ZCCHC10: variants seen among roughly 807,000 people sequenced by gnomAD.
ZCCHC10 encodes zinc finger CCHC-type containing 10.
Under a neutral mutation model 19.5 loss-of-function variants are expected in ZCCHC10, and 16 were observed. The observed-to-expected ratio is 0.82, with a 90% CI of 0.56 to 1.25. The LOEUF is 1.25. Among genes scored for constraint, ZCCHC10 ranks in the 50% most tolerant of loss-of-function variants. The pLI, the probability that ZCCHC10 is intolerant of heterozygous loss-of-function variation, is 0.00. For synonymous variants in ZCCHC10, 67 were observed against 72.5 expected, an observed-to-expected ratio of 0.92 and a Z score of 0.38; for missense variants, 197 against 201.0, an observed-to-expected ratio of 0.98 and a Z score of 0.12.
intron 3 of ZCCHC10, among the ~76,000 whole-genome samples, chr5:133,003,767 G>A (rs574753658): frequency 6.6e-6 from 1 of 152,340 alleles, no homozygotes; most frequent in African/African-American, 2.4e-5. Context: ...CTGGAGTGCA[G>A]TGGTGTGATT....
At chr5:133,007,226 C>G (rs1192852644) in intron 2 of ZCCHC10, among the ~76,000 whole-genome samples, 1 of 152,092 alleles carries the variant, frequency 6.6e-6, no homozygotes, top group African/African-American at 2.4e-5. Flanking sequence ...GAATAAATCT[C>G]ACAAGATCTG....
intron 1 of ZCCHC10, 46 bp downstream of exon 1, chr5:133,026,451 C>A (rs369219657): frequency 2.5e-6 from 4 of 1,608,500 alleles, no homozygotes; most frequent in Non-Finnish European, 3.4e-6. Flanking sequence ...ACGCGCGTTT[C>A]CCCGCTCCCA....
At chr5:133,000,713 G>C (rs1329777598) in intron 3 of ZCCHC10, among the ~76,000 whole-genome samples, 2 of 150,248 alleles carry the variant, frequency 1.3e-5, no homozygotes, top group Non-Finnish European at 2.9e-5. Flanking sequence ...CGCGATCTTG[G>C]CTCACTGCAA....
intron 2 of ZCCHC10, among the ~76,000 whole-genome samples, chr5:133,013,061 T>TAAA (rs368155320): frequency 8.8e-6 from 1 of 113,070 alleles, no homozygotes; most frequent in African/African-American, 3.1e-5. Flanking sequence ...AAAAAAAAAT[T>TAAA]AAAAAAAAAA....
intron 1 of ZCCHC10, among the ~76,000 whole-genome samples, chr5:133,025,254 C>T (rs1470969281): frequency 6.6e-6 from 1 of 152,006 alleles, no homozygotes; most frequent in African/African-American, 2.4e-5. Context: ...CCTGTAATCC[C>T]AGCACTTTGG....
chr5:133,013,008 G>A (rs1256773990), intron 2 of ZCCHC10, among the ~76,000 whole-genome samples: 2 of 147,390 alleles, frequency 1.4e-5, no homozygotes, highest in African/African-American at 5.0e-5. Flanking sequence ...CCCAGATAGC[G>A]CCACTGCACT....
At chr5:133,019,354 G>A (rs1162946643) in intron 2 of ZCCHC10, among the ~76,000 whole-genome samples, 2 of 151,990 alleles carry the variant, frequency 1.3e-5, no homozygotes, top group African/African-American at 2.4e-5. Context: ...ACAAAATTTC[G>A]AAACAAACAA....
intron 2 of ZCCHC10, among the ~76,000 whole-genome samples, chr5:133,021,680 A>T (rs1299364639): frequency 6.6e-6 from 1 of 152,228 alleles, no homozygotes; most frequent in African/African-American, 2.4e-5. Flanking sequence ...ATGAAGCTAC[A>T]GTAATCATGA....
chr5:133,011,675 T>G (rs1401086482), intron 2 of ZCCHC10, among the ~76,000 whole-genome samples: 1 of 82,638 alleles, frequency 1.2e-5, no homozygotes, highest in Non-Finnish European at 2.7e-5. Flanking sequence ...TAAATACCAA[T>G]AAAAGTAGCT....
At position 132,998,821 on chromosome 5, in the gene ZCCHC10, C is replaced by T; in HGVS notation, c.341G>A (p.Ser114Asn). ...ATCACTGGCAGAACTGTCACTGCTA[C>T]TGCTACTGGAACTGGTTACACTCTT... ...RSKSVTSSSSSSSDSSASDSS... is the reference protein window; with the variant it reads ...RSKSVTSSSSNSSDSSASDSS... The change falls in exon 5 of 5, where the codon AGT becomes AAT. Residue 114 changes from serine to asparagine, a missense_variant. Ser to Asn is a conservative substitution (Grantham distance 46). Transcript: ENST00000509437. The T allele has an allele frequency of 1.9e-6, 3 of 1,614,178 alleles. No individual in the cohort carries two copies. Among genetic ancestry groups the T allele is most frequent in the East Asian group, 2.2e-5 (1 of 44,888 alleles).
Position 132,997,006 on chromosome 5 carries a change from TGTGA to T in ZCCHC10, c.*1573_*1576del, listed in dbSNP as rs1762479525. 6.6e-5 allele frequency: 10 copies of T among 152,338 alleles called. 1 individual carries two copies. In the South Asian group the frequency reaches 2.1e-3, roughly 32 times the overall value. 9.4% of individuals were successfully genotyped at this position (152,338 alleles called of 1,614,324 possible). A position where few individuals can be genotyped will look rare whatever the true frequency, so the allele number is the denominator to read the frequency against. On this transcript the variant is annotated 3_prime_UTR_variant, in exon 5 of 5. Transcript: ENST00000509437. The stretch of plus-strand genomic sequence containing the variant: ...GAAGTTTAAGCTTGTGAGCACAAAT[TGTGA>T]GTTTTATTTAACTGCAAGTGATGCA...
At chr5:133,017,025 T>G (rs964840592) in intron 2 of ZCCHC10, among the ~76,000 whole-genome samples, 7 of 152,094 alleles carry the variant, frequency 4.6e-5, no homozygotes, top group African/African-American at 1.7e-4. Context: ...GGATATTCTC[T>G]CCATGAGGAA....
chr5:133,000,184 C>G lies in ZCCHC10; in HGVS notation c.270-11G>C. 6.2e-7 allele frequency: 1 copy of G among 1,612,688 alleles called. No homozygotes were observed. Among genetic ancestry groups the G allele is most frequent in the Non-Finnish European group, 8.5e-7 (1 of 1,179,582 alleles). ...TTGGTTTCTCCAATGCTGATAAACACGAGGGGGAAAAAAGCTCCTGTTAAT... is the reference window on the plus strand; with the variant it reads ...TTGGTTTCTCCAATGCTGATAAACAGGAGGGGGAAAAAAGCTCCTGTTAAT... On this transcript the variant is annotated splice_polypyrimidine_tract_variant and intron_variant, in intron 3 of 4. Coordinates refer to ENST00000509437, the MANE Select transcript of ZCCHC10 (RefSeq NM_001300816.3).
At chr5:133,005,569 G>C (rs1002741588) in intron 3 of ZCCHC10, among the ~76,000 whole-genome samples, 1 of 152,158 alleles carries the variant, frequency 6.6e-6, no homozygotes, top group African/African-American at 2.4e-5. Context: ...AGCTGAGACT[G>C]CACTCCAGAT....
chr5:133,022,075 C>G (rs974824401), intron 2 of ZCCHC10, among the ~76,000 whole-genome samples: 2 of 152,150 alleles, frequency 1.3e-5, no homozygotes, highest in Non-Finnish European at 2.9e-5. Context: ...GGATTACAGG[C>G]ATGAGCCACC....
At chr5:133,022,728 G>T in intron 2 of ZCCHC10, 113 bp downstream of exon 2, 1 of 389,538 alleles carries the variant, frequency 2.6e-6, no homozygotes. Flanking sequence ...TGGGATTACA[G>T]GCATGAGCCA....
At chr5:133,021,427 G>C (rs1239919380) in intron 2 of ZCCHC10, among the ~76,000 whole-genome samples, 1 of 152,158 alleles carries the variant, frequency 6.6e-6, no homozygotes, top group Non-Finnish European at 1.5e-5. Flanking sequence ...ACACTGCTAA[G>C]AGAAATTAAA....
At chr5:133,010,246 A>G (rs1289020612) in intron 2 of ZCCHC10, among the ~76,000 whole-genome samples, 2 of 151,882 alleles carry the variant, frequency 1.3e-5, no homozygotes, top group Non-Finnish European at 2.9e-5. Flanking sequence ...ACGGGGTTTC[A>G]CCGTATTATC....
intron 2 of ZCCHC10, among the ~76,000 whole-genome samples, chr5:133,011,927 C>T (rs1470283746): frequency 2.6e-5 from 4 of 151,642 alleles, no homozygotes; most frequent in East Asian, 1.9e-4. Flanking sequence ...GTCAGAAGTT[C>T]GAGACCAGTG....
Sources: gnomAD v4.1 joint callset for allele counts (sites outside exome capture counted in the v4.1 genomes callset) on GRCh38, gnomAD v4.1.1 for gene constraint, MANE v1.5 for transcripts, NCBI Gene and HGNC (gene_info 2026-07-23, HGNC 2026-07-21) for gene names.